SI: variants seen among roughly 807,000 people sequenced by gnomAD.
The protein encoded by SI is sucrase-isomaltase, also known as sucrase-isomaltase, intestinal.
A neutral mutation model predicts 253.3 loss-of-function variants in SI; 235 were observed. That is an observed-to-expected ratio of 0.93 (90% CI 0.83 to 1.03). The LOEUF (loss-of-function observed/expected upper bound fraction) is 1.03. SI is among the 50% of genes least tolerant of loss of function. SI has a pLI of 0.00. For missense variants in SI, 2,442 were observed against 2,211.1 expected, an observed-to-expected ratio of 1.10 and a Z score of -2.09; for synonymous variants, 819 against 712.0, an observed-to-expected ratio of 1.15 and a Z score of -2.39.
At chr3:165,075,469 C>G (rs1714894872) in intron 2 of SI, among the ~76,000 whole-genome samples, 1 of 151,928 alleles carries the variant, frequency 6.6e-6, no homozygotes, top group South Asian at 2.1e-4. Flanking sequence ...CATACAACCT[C>G]TCTCTCTCCT....
chr3:165,089,254 C>A, the SI span, among the ~76,000 whole-genome samples: 12 of 151,926 alleles, frequency 7.9e-5, no homozygotes, highest in Admixed American at 2.6e-4. Context: ...AATGAAAGAG[C>A]AAATATTAAA....
At chr3:165,070,264 AATATACATATATGATT>A (rs1560018173) in intron 3 of SI, among the ~76,000 whole-genome samples, 2 of 142,374 alleles carry the variant, frequency 1.4e-5, no homozygotes, top group Non-Finnish European at 3.0e-5. Context: ...ATGTATAATA[AATATACATATATGATT>A]ATATACATAT....
chr3:165,057,051 T>C (rs1031560788), intron 12 of SI, among the ~76,000 whole-genome samples: 4 of 151,696 alleles, frequency 2.6e-5, no homozygotes, highest in Non-Finnish European at 5.9e-5. Flanking sequence ...AGACAGAAAA[T>C]TCGAAATAGC....
In SI at chr3:165,059,907, G is replaced by T; in HGVS notation, c.1141C>A (p.Pro381Thr). Residue 381 changes from proline to threonine, a missense_variant, in exon 10 of 48, where the codon CCA (proline) becomes ACA (threonine). Transcript: ENST00000264382. ...GGACCCTTTATTCTACTTACAAATGGTATGCCAGCTTCCCGGTTTCTCCTT... is the reference window on the plus strand; with the variant it reads ...GGACCCTTTATTCTACTTACAAATGTTATGCCAGCTTCCCGGTTTCTCCTT... ...VVRRNREAGI[P>T]FDTQVTDIDY... The T allele has an allele frequency of 6.2e-7, 1 of 1,611,172 alleles. No individual in the cohort carries two copies. The highest frequency in any genetic ancestry group is 8.5e-7 in the Non-Finnish European group (1 of 1,177,898).
chr3:165,013,407 A>G (rs571684774), intron 33 of SI, among the ~76,000 whole-genome samples: 37 of 152,286 alleles, frequency 2.4e-4, no homozygotes, highest in African/African-American at 8.9e-4. Flanking sequence ...CTCCAGGGTT[A>G]AAAACTAAAA....
intron 34 of SI, among the ~76,000 whole-genome samples, chr3:165,011,583 T>A (rs1289505628): frequency 6.6e-6 from 1 of 152,030 alleles, no homozygotes; most frequent in African/African-American, 2.4e-5. Context: ...ATATGGCTGC[T>A]TTTGGGTAGA....
intron 41 of SI, among the ~76,000 whole-genome samples, chr3:164,993,912 TA>T (rs1576872629): frequency 6.6e-6 from 1 of 151,616 alleles, no homozygotes; most frequent in African/African-American, 2.4e-5. Context: ...CGTGATTAAT[TA>T]AATCATGAGG....
At chr3:165,061,968 C>T (rs1714004482) in intron 9 of SI, among the ~76,000 whole-genome samples, 1 of 151,972 alleles carries the variant, frequency 6.6e-6, no homozygotes, top group Admixed American at 6.6e-5. Context: ...CTTCTCACAA[C>T]TCAGTTACCT....
chr3:165,077,983 A>G (rs569444752), intron 1 of SI, among the ~76,000 whole-genome samples: 1 of 151,754 alleles, frequency 6.6e-6, no homozygotes, highest in African/African-American at 2.4e-5. Context: ...GATGAATAAT[A>G]CTTTATTGTA....
chr3:165,044,265 T>C (rs1242508972), intron 16 of SI, among the ~76,000 whole-genome samples: 1 of 152,044 alleles, frequency 6.6e-6, no homozygotes, highest in Non-Finnish European at 1.5e-5. Context: ...ATAGATATCC[T>C]TGTGAATATG....
intron 47 of SI, among the ~76,000 whole-genome samples, chr3:164,980,503 C>A (rs1379422665): frequency 6.6e-6 from 1 of 151,852 alleles, no homozygotes; most frequent in Non-Finnish European, 1.5e-5. Flanking sequence ...AAGAAATTGA[C>A]CATCCTCTCT....
chr3:165,025,978 A>G (rs1465181831), intron 25 of SI, among the ~76,000 whole-genome samples: 1 of 151,408 alleles, frequency 6.6e-6, no homozygotes, highest in East Asian at 1.9e-4. Context: ...ATGGTACCTC[A>G]CATCTCAATA....
In SI at chr3:165,009,875, G is replaced by A. The variant is rs184918971; in HGVS notation, c.4063-480C>T. Among the ~76,000 whole-genome samples, 722 of 152,170 alleles carry A rather than the reference G, an allele frequency of 4.7e-3. 6 individuals carry two copies. Among genetic ancestry groups the A allele is most frequent in the African/African-American group, 0.017 (698 of 41,524 alleles). The stretch of plus-strand genomic sequence containing the variant: ...ATCTAGCCCTTCTCATCCCAACAGA[G>A]AAGAGGTGTTTTATTCCAATCTCTA... On this transcript the variant is annotated intron_variant, in intron 34 of 47. Coordinates refer to ENST00000264382, the MANE Select transcript of SI (RefSeq NM_001041.4).
At position 165,038,067 on chromosome 3, in the gene SI, AC is replaced by A. The variant is rs763765219; in HGVS notation, c.2302-44del. ...AAAAACATTCTTAATATTATTGAAG[AC>A]TTTAAACTCTATTTCACAAGAATTA... On this transcript the variant is annotated intron_variant, in intron 20 of 47. Coordinates refer to ENST00000264382, the MANE Select transcript of SI (RefSeq NM_001041.4). The A allele has an allele frequency of 3.6e-5, 55 of 1,526,316 alleles. 1 individual carries two copies. In the South Asian group the frequency reaches 5.6e-4, roughly 16 times the overall value. 94.5% of individuals were successfully genotyped at this position (1,526,316 alleles called of 1,614,324 possible). A position where few individuals can be genotyped will look rare whatever the true frequency, so the allele number is the denominator to read the frequency against.
Position 165,039,301 on chromosome 3 carries a change from TATC to T in SI, c.2245-170_2245-168del, listed in dbSNP as rs527581944. ...GGGCTATTTTATTAGCTTTAGATAA[TATC>T]ATATTGTAAAACTTAAAAAAGCAAA... is the stretch of plus-strand genomic sequence containing the variant. On this transcript the variant is annotated intron_variant, in intron 19 of 47. Transcript: ENST00000264382. Among the ~76,000 whole-genome samples, 1,371 of 152,180 alleles carry T rather than the reference TATC, an allele frequency of 9.0e-3. 7 individuals carry two copies. Among genetic ancestry groups the T allele is most frequent in the Middle Eastern group, 0.02 (6 of 294 alleles).
In SI at chr3:165,059,026, C is replaced by A; in HGVS notation, c.1335G>T (p.Glu445Asp). 1 of 1,612,524 alleles carries A rather than the reference C, an allele frequency of 6.2e-7. No individual in the cohort carries two copies. Among genetic ancestry groups the A allele is most frequent in the African/African-American group, 1.3e-5 (1 of 74,956 alleles). The change falls in exon 12 of 48, where the codon GAG becomes GAT. Residue 445 changes from glutamate (E) to aspartate (D), a missense_variant. Coordinates refer to ENST00000264382, the MANE Select transcript of SI (RefSeq NM_001041.4). ...TCCACACATGTTGTGTGTTTCCCCTCTCATAGGTTGCATATGTTGTTCCAT... is the reference window on the plus strand; with the variant it reads ...TCCACACATGTTGTGTGTTTCCCCTATCATAGGTTGCATATGTTGTTCCAT... Reference protein sequence around the residue: ...RANGTTYATYERGNTQHVWIN... With the variant: ...RANGTTYATYDRGNTQHVWIN...
chr3:164,979,513 C>T (rs928469375), intron 47 of SI, 83 bp from the exon 48 acceptor site: 1 of 783,988 alleles, frequency 1.3e-6, no homozygotes, highest in Non-Finnish European at 2.2e-6. Context: ...AAAAAGTTTT[C>T]TAATAAATAG....
Position 164,992,367 on chromosome 3 carries a change from T to C in SI, c.4872A>G (p.Ile1624Met), listed in dbSNP as rs1373977631. 3 of 1,612,934 alleles carry C rather than the reference T, an allele frequency of 1.9e-6. No individual in the cohort carries two copies. Among genetic ancestry groups the C allele is most frequent in the East Asian group, 4.5e-5 (2 of 44,812 alleles). Residue 1624 changes from isoleucine to methionine, a missense_variant, in exon 42 of 48, where the codon ATA becomes ATG. Ile to Met is a conservative substitution (Grantham distance 10, BLOSUM62 1). Coordinates refer to ENST00000264382, the MANE Select transcript of SI (RefSeq NM_001041.4). ...CTGGACCCCATAAGAACTGCTTGAA[T>C]ATATCCCAGGTTGGTTTTTCATCAA... ...EFFDEKPTWDIFKQFLWGPAF... is the reference protein window; with the variant it reads ...EFFDEKPTWDMFKQFLWGPAF...
At chr3:165,048,142 A>G (rs1266607767) in intron 15 of SI, among the ~76,000 whole-genome samples, 1 of 152,088 alleles carries the variant, frequency 6.6e-6, no homozygotes, top group African/African-American at 2.4e-5. Flanking sequence ...ATGATTTAAG[A>G]CCATAAAAAT....
Sources: allele counts gnomAD v4.1 joint callset (sites outside exome capture counted in the v4.1 genomes callset), GRCh38; gene constraint gnomAD v4.1.1; transcripts MANE v1.5; gene names NCBI Gene and HGNC (gene_info 2026-07-23, HGNC 2026-07-21).